RYR2: variants seen among roughly 807,000 people sequenced by gnomAD.
RYR2 encodes the protein cardiac muscle ryanodine receptor-calcium release channel.
A neutral mutation model predicts 601.1 loss-of-function variants in RYR2; 227 were observed. The observed-to-expected ratio is 0.38, with a 90% CI of 0.34 to 0.42. RYR2 has a LOEUF of 0.42. RYR2 is among the 10% of genes least tolerant of loss of function. RYR2 has a pLI of 1.00. For missense variants in RYR2, 4,646 were observed against 6,156.5 expected, an observed-to-expected ratio of 0.75 and a Z score of 8.21; for synonymous variants, 2,223 against 2,175.1, an observed-to-expected ratio of 1.02 and a Z score of -0.61.
At chr1:237,450,927 T>G (rs1658010826) in intron 14 of RYR2, among the ~76,000 whole-genome samples, 1 of 152,204 alleles carries the variant, frequency 6.6e-6, no homozygotes, top group South Asian at 2.1e-4. Flanking sequence ...TTTATTCTCC[T>G]TGTTTCTTTT....
intron 65 of RYR2, among the ~76,000 whole-genome samples, chr1:237,701,728 C>G (rs148013186): frequency 5.7e-4 from 87 of 151,826 alleles, no homozygotes; most frequent in African/African-American, 2.0e-3. Context: ...CTCTCTATGT[C>G]CATGTGTACA....
At chr1:237,638,955 A>G (rs1681161663) in intron 45 of RYR2, 60 bp from the exon 46 acceptor site, 2 of 1,557,936 alleles carry the variant, frequency 1.3e-6, no homozygotes, top group Non-Finnish European at 1.8e-6. Flanking sequence ...TATAACATTT[A>G]TTTGTTCAGA....
chr1:237,785,665 G>T (rs1201918754), intron 90 of RYR2, among the ~76,000 whole-genome samples: 2 of 152,138 alleles, frequency 1.3e-5, no homozygotes, highest in African/African-American at 4.8e-5. Context: ...ACTTAAACTG[G>T]CATTGAAGGA....
rs145356180 is a variant in RYR2 at position 237,789,257 on chromosome 1, A to G, written c.13476+1122A>G. The stretch of plus-strand genomic sequence containing the variant: ...CAAAAATTGACAACTCAGAACCTCA[A>G]TGAACTATAGAATTTCACCTATAAG... On this transcript the variant is annotated intron_variant, in intron 92 of 104. Coordinates refer to ENST00000366574, the MANE Select transcript of RYR2 (RefSeq NM_001035.3). Among the ~76,000 whole-genome samples the G allele has an allele frequency of 9.2e-3, 1,399 of 152,276 alleles. 10 individuals are homozygous for G. Among genetic ancestry groups the G allele is most frequent in the African/African-American group, 0.025 (1,037 of 41,564 alleles).
At chr1:237,165,453 T>G (rs1676596849) in intron 1 of RYR2, among the ~76,000 whole-genome samples, 1 of 152,240 alleles carries the variant, frequency 6.6e-6, no homozygotes, top group South Asian at 2.1e-4. Flanking sequence ...GAATTACAAA[T>G]TTTTGAGACT....
intron 1 of RYR2, among the ~76,000 whole-genome samples, chr1:237,148,240 G>A (rs12403531): frequency 1.3e-5 from 2 of 151,630 alleles, no homozygotes; most frequent in African/African-American, 4.9e-5. Context: ...ACTGAAATAC[G>A]TGCACGTGCA....
At chr1:237,487,821 T>C (rs1662866761) in intron 17 of RYR2, among the ~76,000 whole-genome samples, 1 of 151,664 alleles carries the variant, frequency 6.6e-6, no homozygotes, top group African/African-American at 2.4e-5. Context: ...CCAATAAAAT[T>C]GAAAATAAAA....
chr1:237,635,111 A>G, intron 44 of RYR2, 119 bp downstream of exon 44: 1 of 714,554 alleles, frequency 1.4e-6, no homozygotes, highest in East Asian at 2.8e-5. Context: ...ATGTGACATT[A>G]TGGCCAAAAC....
intron 66 of RYR2, among the ~76,000 whole-genome samples, chr1:237,702,801 TAC>T (rs1212930719): frequency 3.6e-4 from 55 of 152,134 alleles, no homozygotes; most frequent in African/African-American, 1.2e-3. Context: ...AATGAACAGG[TAC>T]TCATTTGGCC....
intron 3 of RYR2, among the ~76,000 whole-genome samples, chr1:237,338,236 T>C (rs1243060290): frequency 2.6e-5 from 4 of 152,212 alleles, no homozygotes; most frequent in Non-Finnish European, 5.9e-5. Context: ...AAAAGTCTAC[T>C]TTTTGATTTG....
At chr1:237,268,951 A>C (rs1309227655) in intron 1 of RYR2, among the ~76,000 whole-genome samples, 2 of 80,706 alleles carry the variant, frequency 2.5e-5, no homozygotes, top group Non-Finnish European at 7.7e-5. Context: ...AAAAAAAAAA[A>C]AAAAAAAAAA....
intron 2 of RYR2, among the ~76,000 whole-genome samples, chr1:237,284,625 G>C (rs1691311751): frequency 1.6e-5 from 2 of 125,050 alleles, no homozygotes; most frequent in Admixed American, 1.6e-4. Context: ...ACAGTATGTA[G>C]TATATATGTA....
intron 17 of RYR2, among the ~76,000 whole-genome samples, chr1:237,484,115 A>G (rs1662419989): frequency 6.6e-6 from 1 of 152,110 alleles, no homozygotes. Context: ...AAGGGTTTCC[A>G]TGTCATGATT....
intron 41 of RYR2, among the ~76,000 whole-genome samples, chr1:237,628,452 T>C (rs1455739470): frequency 6.7e-6 from 1 of 148,768 alleles, no homozygotes; most frequent in Non-Finnish European, 1.5e-5. Flanking sequence ...TTCCCACCTA[T>C]GAGTGAGAAT....
chr1:237,075,291 A>T (rs1296169865), intron 1 of RYR2, among the ~76,000 whole-genome samples: 1 of 151,932 alleles, frequency 6.6e-6, no homozygotes, highest in East Asian at 1.9e-4. Flanking sequence ...GCCGAATAGG[A>T]ACAGCTCCGG....
intron 2 of RYR2, among the ~76,000 whole-genome samples, chr1:237,326,656 G>A (rs1696203917): frequency 6.6e-6 from 1 of 152,118 alleles, no homozygotes; most frequent in African/African-American, 2.4e-5. Context: ...TCATAGTAAG[G>A]GCAAGGAACG....
At chr1:237,663,237 T>C (rs968371723) in intron 56 of RYR2, among the ~76,000 whole-genome samples, 1 of 152,250 alleles carries the variant, frequency 6.6e-6, no homozygotes, top group Non-Finnish European at 1.5e-5. Flanking sequence ...AGCATTTTCT[T>C]TTTTGACTGT....
At position 237,759,863 on chromosome 1, in the gene RYR2, A is replaced by G; in HGVS notation, c.11402+11A>G. On this transcript the variant is annotated intron_variant, in intron 83 of 104. Transcript: ENST00000366574. The stretch of plus-strand genomic sequence containing the variant: ...GATGCAGTCATGTAGGTAAGGACTC[A>G]CTTCCTTCTTGGGGGTTCTACTCAG... 1 of 1,581,068 alleles carries G rather than the reference A, an allele frequency of 6.3e-7. No homozygotes were observed. Among genetic ancestry groups the G allele is most frequent in the Non-Finnish European group, 8.7e-7 (1 of 1,155,448 alleles).
intron 1 of RYR2, among the ~76,000 whole-genome samples, chr1:237,167,334 C>G (rs1558353865): frequency 6.6e-6 from 1 of 152,200 alleles, no homozygotes; most frequent in East Asian, 1.9e-4. Context: ...ATTTCACATA[C>G]TGGCTAGATA....
Sources: gnomAD v4.1 joint callset for allele counts (sites outside exome capture counted in the v4.1 genomes callset) on GRCh38, gnomAD v4.1.1 for gene constraint, MANE v1.5 for transcripts, NCBI Gene and HGNC (gene_info 2026-07-23, HGNC 2026-07-21) for gene names.